The following SCNN1D variants were observed in gnomAD, a reference collection of about 807,000 sequenced individuals.
SCNN1D encodes sodium channel epithelial 1 subunit delta, also known as epithelial sodium channel subunit delta.
A neutral mutation model predicts 87.8 loss-of-function variants in SCNN1D; 104 were observed. The ratio of observed to expected loss-of-function variants is 1.18; its 90% confidence interval spans 1.01 to 1.39. SCNN1D has a LOEUF of 1.39. SCNN1D is among the 40% of genes most tolerant of loss of function. The pLI, the probability that SCNN1D is intolerant of heterozygous loss-of-function variation, is 0.00. For missense variants in SCNN1D, 1,324 were observed against 1,093.9 expected, an observed-to-expected ratio of 1.21 and a Z score of -2.97; for synonymous variants, 628 against 481.2, an observed-to-expected ratio of 1.31 and a Z score of -3.99.
intron 12 of SCNN1D, among the ~76,000 whole-genome samples, 159 bp from the exon 13 acceptor site, chr1:1,290,112 G>A (rs1357780187): frequency 8.0e-6 from 1 of 125,428 alleles, no homozygotes; most frequent in Non-Finnish European, 1.7e-5. Context: ...GCTCCGTCCC[G>A]TGTCTCTGCT....
At chr1:1,283,204 G>A (rs1408176457) in intron 4 of SCNN1D, among the ~76,000 whole-genome samples, 4 of 152,130 alleles carry the variant, frequency 2.6e-5, no homozygotes, top group Admixed American at 1.3e-4. Flanking sequence ...GTGCCTACTC[G>A]GGGGAGCAGG....
chr1:1,290,928 C>G lies in SCNN1D; in HGVS notation c.1951C>G (p.Leu651Val). Residue 651 changes from leucine to valine, a missense_variant, in exon 16 of 18, where the codon CTG becomes GTG. Coordinates refer to ENST00000379116, the MANE Select transcript of SCNN1D (RefSeq NM_001130413.4). ...WTLATLGEQG[L>V]PHQSHRQRSS... ...TCTGGCCACGCTAGGTGAACAGGGG[C>G]TGCCGCATCAGAGCCACAGACAGAG... is the stretch of plus-strand genomic sequence containing the variant. 2 of 1,610,222 alleles carry G rather than the reference C, an allele frequency of 1.2e-6. No homozygotes were observed. The highest frequency in any genetic ancestry group is 1.3e-5 in the African/African-American group (1 of 74,996).
In SCNN1D at chr1:1,288,733, T is replaced by C. The variant is rs867112002; in HGVS notation, c.1662+696T>C. Among the ~76,000 whole-genome samples, 38 of 4,832 alleles carry C rather than the reference T, an allele frequency of 7.9e-3. 3 individuals carry two copies. Among genetic ancestry groups the C allele is most frequent in the Non-Finnish European group, 7.4e-3 (25 of 3,386 alleles). 3.2% of individuals were successfully genotyped at this position (4,832 alleles called of 152,430 possible). A position where few individuals can be genotyped will look rare whatever the true frequency, so the allele number is the denominator to read the frequency against. ...TCTCTGCTCCGTCCCGTGTCTCTGC[T>C]CCGTCCCGTGTCTCTGCTCCGTCCC... On this transcript the variant is annotated intron_variant, in intron 12 of 17. Coordinates refer to ENST00000379116, the MANE Select transcript of SCNN1D (RefSeq NM_001130413.4).
At chr1:1,282,353 T>C (rs1223124431) in intron 4 of SCNN1D, 38 bp downstream of exon 4, 2 of 1,546,072 alleles carry the variant, frequency 1.3e-6, no homozygotes, top group African/African-American at 2.7e-5. Flanking sequence ...ATGGCTCTGC[T>C]GCTGGACCCT....
At chr1:1,290,832 G>A (rs13306636) in intron 15 of SCNN1D, 63 bp from the exon 16 acceptor site, 264 of 1,592,296 alleles carry the variant, frequency 1.7e-4, no homozygotes, top group East Asian at 1.3e-3. Flanking sequence ...ACATCCGCCC[G>A]TGGTACCCAG....
Position 1,288,686 on chromosome 1 carries a change from TGTCCCTGCTCCGTCCCCCGA to T in SCNN1D, c.1662+653_1662+672del, listed in dbSNP as rs1416104249. ...CGTCCCGTGTCTCTGCTCCGTCCCG[TGTCCCTGCTCCGTCCCCCGA>T]GTCTCTGCTCCGTCCCGTGTCTCTG... On this transcript the variant is annotated intron_variant, in intron 12 of 17. Transcript: ENST00000379116. Among the ~76,000 whole-genome samples, 44 of 33,810 alleles carry T rather than the reference TGTCCCTGCTCCGTCCCCCGA, an allele frequency of 1.3e-3. 5 individuals carry two copies. The highest frequency in any genetic ancestry group is 1.3e-3 in the Non-Finnish European group (27 of 21,258). The allele number at this position is 33,810 out of a possible 152,430, so 22.2% of individuals were successfully genotyped here. A position where few individuals can be genotyped will look rare whatever the true frequency, so the allele number is the denominator to read the frequency against.
In SCNN1D at chr1:1,290,611, A is replaced by G. The variant is rs115582722; in HGVS notation, c.1860-26A>G. 1.5e-3 allele frequency: 2,442 copies of G among 1,612,584 alleles called. 12 individuals carry two copies. The African/African-American group carries it at 0.018, about 12-fold the overall frequency. On this transcript the variant is annotated intron_variant, in intron 14 of 17. Transcript: ENST00000379116. Reference sequence around the variant, plus strand: ...GGATCATTGCCCCAGGTAGCGTGGCAGGTGACACCCGGCTGTCTCTTCCAG... The same window carrying G: ...GGATCATTGCCCCAGGTAGCGTGGCGGGTGACACCCGGCTGTCTCTTCCAG...
Position 1,281,209 on chromosome 1 carries a change from G to T in SCNN1D, c.6-17G>T. On this transcript the variant is annotated splice_polypyrimidine_tract_variant and intron_variant, in intron 1 of 17. Transcript: ENST00000379116. ...CTGGCTGGGGTCCCACAGATGCCAG[G>T]CGCCTGCCATCTCCAGGGCAGTGCT... 1 of 1,534,338 alleles carries T rather than the reference G, an allele frequency of 6.5e-7. No homozygotes were observed. Among genetic ancestry groups the T allele is most frequent in the Non-Finnish European group, 8.7e-7 (1 of 1,146,570 alleles).
Position 1,291,298 on chromosome 1 carries a change from G to A in SCNN1D, c.2097G>A (p.Trp699Ter), listed in dbSNP as rs969386371. The A allele has an allele frequency of 6.3e-7, 1 of 1,579,312 alleles. No homozygotes were observed. The highest frequency in any genetic ancestry group is 8.6e-7 in the Non-Finnish European group (1 of 1,164,720). The change falls in exon 18 of 18, where the codon TGG becomes TGA. Residue 699 changes from tryptophan to a stop codon, truncating the protein, a stop_gained. Coordinates refer to ENST00000379116, the MANE Select transcript of SCNN1D (RefSeq NM_001130413.4). LOFTEE classifies it low-confidence loss of function (END_TRUNC). ...CCATGGGCAGCCTCTGCAGCCTGTG[G>A]TTTGGGGCCTCCGTCCTCTCCCTCC... ...LSAMGSLCSL[W>*]FGASVLSLLE...
At position 1,288,042 on chromosome 1, in the gene SCNN1D, G is replaced by C. The variant is rs1220118905; in HGVS notation, c.1662+5G>C. ...AACACCTCCTACACCAGGCAGGTGA[G>C]GCTGGGCTGGCAGGGGGTGCGGGGG... On this transcript the variant is annotated splice_donor_5th_base_variant and intron_variant, in intron 12 of 17. Transcript: ENST00000379116. 7.8e-6 allele frequency: 12 copies of C among 1,529,652 alleles called. No homozygotes were observed. The East Asian group carries it at 9.9e-5, about 13-fold the overall frequency. 94.8% of individuals were successfully genotyped at this position (1,529,652 alleles called of 1,614,324 possible).
chr1:1,291,127 C>T lies in SCNN1D; in HGVS notation c.2039C>T (p.Ala680Val), dbSNP rs183010802. The T allele has an allele frequency of 1.4e-4, 229 of 1,611,908 alleles. No individual in the cohort carries two copies. Among genetic ancestry groups the T allele is most frequent in the Middle Eastern group, 3.3e-4 (2 of 6,054 alleles). Residue 680 changes from alanine to valine, a missense_variant, in exon 17 of 18, where the codon GCG becomes GTG. Ala to Val is a moderately conservative substitution (Grantham distance 64). Transcript: ENST00000379116. ...CTCAACTACCGCTCAGTGGAGGAGG[C>T]GCCCGTGTACTCGGTGAGCCTTGGC... ...QELNYRSVEEAPVYSVPQLLS... is the reference protein window; with the variant it reads ...QELNYRSVEEVPVYSVPQLLS...
rs1640584404 is a variant in SCNN1D at position 1,286,108 on chromosome 1, C to G, written c.741C>G (p.Leu247=). 2 of 1,610,342 alleles carry G rather than the reference C, an allele frequency of 1.2e-6. No individual in the cohort carries two copies. The highest frequency in any genetic ancestry group is 1.7e-6 in the Non-Finnish European group (2 of 1,179,274). Residue 247 remains leucine (L), a synonymous_variant, in exon 7 of 18, where the codon CTC becomes CTG. Transcript: ENST00000379116. ...IRLVCSRGNR[L]KTTSWGLLSL... is the part of the protein sequence containing the mutation. ...TGGTCTGCTCCCGCGGGAACCGCCT[C>G]AAGACGACGTCCTGGGGGCTGCTGT...
chr1:1,291,396 C>A lies in SCNN1D; in HGVS notation c.2195C>A (p.Ala732Glu). ...LVLGGRRLRR[A>E]WFSWPRASPA... ...CTAGGCGGCCGCCGGCTCCGCAGGG[C>A]GTGGTTCTCCTGGCCCAGAGCCAGC... is the stretch of plus-strand genomic sequence containing the variant. The change falls in exon 18 of 18, where the codon GCG becomes GAG. Residue 732 changes from alanine (A) to glutamate (E), a missense_variant. Physicochemically the swap from Ala to Glu is moderately radical, Grantham distance 107. Coordinates refer to ENST00000379116, the MANE Select transcript of SCNN1D (RefSeq NM_001130413.4). The A allele has an allele frequency of 6.2e-7, 1 of 1,608,328 alleles. No homozygotes were observed. The highest frequency in any genetic ancestry group is 8.5e-7 in the Non-Finnish European group (1 of 1,178,346).
chr1:1,284,844 CA>C (rs1363039475), intron 5 of SCNN1D, among the ~76,000 whole-genome samples: 1 of 152,120 alleles, frequency 6.6e-6, no homozygotes, highest in Non-Finnish European at 1.5e-5. Flanking sequence ...CCTCTCTGAC[CA>C]GGGGTCCAGG....
chr1:1,284,292 C>CGTGGGGGGATTGGG (rs1321429628), intron 5 of SCNN1D, among the ~76,000 whole-genome samples: 83 of 78,964 alleles, frequency 1.1e-3, no homozygotes, highest in African/African-American at 4.4e-3. Flanking sequence ...CTCGAGGTAC[C>CGTGGGGGGATTGGG]GTGGGGGGAT....
rs758429153 is a variant in SCNN1D at position 1,287,696 on chromosome 1, G to A, written c.1423G>A (p.Glu475Lys). 1.9e-6 allele frequency: 3 copies of A among 1,611,154 alleles called. No individual in the cohort carries two copies. Among genetic ancestry groups the A allele is most frequent in the Non-Finnish European group, 2.5e-6 (3 of 1,179,250 alleles). The stretch of plus-strand genomic sequence containing the variant: ...AGGAGTCGGCCTGGTCCTCAGGGTT[G>A]AGCAGCAGCCTCACCTCCCTCTGCT... ...THGVGLVLRV[E>K]QQPHLPLLST... Residue 475 changes from glutamate (E) to lysine (K), a missense_variant, in exon 11 of 18, where the codon GAG becomes AAG. Coordinates refer to ENST00000379116, the MANE Select transcript of SCNN1D (RefSeq NM_001130413.4).
intron 8 of SCNN1D, 57 bp downstream of exon 8, chr1:1,287,032 C>A (rs780673758): frequency 3.2e-5 from 50 of 1,583,204 alleles, no homozygotes; most frequent in Non-Finnish European, 4.1e-5. Context: ...GAGCACGGCC[C>A]TGCGCTGCTG....
chr1:1,291,354 C>G lies in SCNN1D; in HGVS notation c.2153C>G (p.Ser718Cys). The G allele has an allele frequency of 6.2e-7, 1 of 1,608,148 alleles. No homozygotes were observed. Among genetic ancestry groups the G allele is most frequent in the South Asian group, 1.1e-5 (1 of 90,442 alleles). ...CTCCTGGAGCTGCTGCTCGATGCTT[C>G]TGCCCTCACCCTGGTGCTAGGCGGC... ...LELLELLLDA[S>C]ALTLVLGGRR... Residue 718 changes from serine (S) to cysteine (C), a missense_variant, in exon 18 of 18, where the codon TCT becomes TGT. By Grantham distance (112) the Ser-to-Cys change is moderately radical (BLOSUM62 -1). Coordinates refer to ENST00000379116, the MANE Select transcript of SCNN1D (RefSeq NM_001130413.4).
rs556837559 is a variant in SCNN1D at position 1,284,017 on chromosome 1, C to T, written c.391C>T (p.Pro131Ser). ...GSILLQSCQLPPQWLSTEAWT... is the reference protein window; with the variant it reads ...GSILLQSCQLSPQWLSTEAWT... ...CATCCTGCTTCAGAGCTGCCAGCTG[C>T]CCCCGCAATGGCTGAGCACCGAAGC... The change falls in exon 5 of 18, where the codon CCC becomes TCC. Residue 131 changes from proline to serine, a missense_variant. Pro to Ser is a moderately conservative substitution (Grantham distance 74, BLOSUM62 -1). Coordinates refer to ENST00000379116, the MANE Select transcript of SCNN1D (RefSeq NM_001130413.4). 44 of 1,435,400 alleles carry T rather than the reference C, an allele frequency of 3.1e-5. 2 individuals are homozygous for T. Among genetic ancestry groups the T allele is most frequent in the Middle Eastern group, 3.5e-4 (2 of 5,700 alleles). 88.9% of individuals were successfully genotyped at this position (1,435,400 alleles called of 1,614,324 possible).
Sources: gnomAD v4.1 joint callset for allele counts (sites outside exome capture counted in the v4.1 genomes callset) on GRCh38, gnomAD v4.1.1 for gene constraint, MANE v1.5 for transcripts, NCBI Gene and HGNC (gene_info 2026-07-23, HGNC 2026-07-21) for gene names.